Variants in LMTK2 observed in about 807,000 individuals in gnomAD.
LMTK2 encodes lemur tail kinase 2, also known as serine/threonine-protein kinase LMTK2.
A neutral mutation model predicts 127.5 loss-of-function variants in LMTK2; 37 were observed. That is an observed-to-expected ratio of 0.29 (90% confidence interval 0.22 to 0.38). The LOEUF is 0.38. LMTK2 is among the 10% of genes least tolerant of loss of function. The probability of loss-of-function intolerance (pLI) is 1.00; values close to 1 mark genes in which losing one functional copy is unlikely to be tolerated. For missense variants in LMTK2, 1,694 were observed against 1,920.3 expected (o/e 0.88, Z 2.20); for synonymous variants, 819 against 810.1 (o/e 1.01, Z -0.19).
chr7:98,192,502 A>G lies in LMTK2; in HGVS notation c.2037A>G (p.Ser679=). Residue 679 remains serine, a synonymous_variant, in exon 11 of 14, where the codon TCA becomes TCG. Coordinates refer to ENST00000297293, the MANE Select transcript of LMTK2 (RefSeq NM_014916.4). ...CCAGTTTGGATAACCCCAAAGAGTC[A>G]GTCATAACAGGCCACTTTGAGAAAG... ...LSSSLDNPKE[S]VITGHFEKEK... 1 of 1,609,832 alleles carries G rather than the reference A, an allele frequency of 6.2e-7. No homozygotes were observed. Among genetic ancestry groups the G allele is most frequent in the Non-Finnish European group, 8.5e-7 (1 of 1,179,000 alleles).
chr7:98,134,081 G>A (rs1796565077), intron 1 of LMTK2, among the ~76,000 whole-genome samples: 1 of 152,186 alleles, frequency 6.6e-6, no homozygotes, highest in African/African-American at 2.4e-5. Flanking sequence ...TTCAAGGAAA[G>A]CGAGGGAGCT....
intron 10 of LMTK2, among the ~76,000 whole-genome samples, chr7:98,191,147 G>A (rs6465659): frequency 0.99 from 150,655 of 152,256 alleles, 74,553 homozygotes; most frequent in Middle Eastern, 1. Flanking sequence ...CAGGGTCTCA[G>A]TATGTTGCCC....
rs766887524 is a variant in LMTK2 at position 98,107,222 on chromosome 7, G to T, written c.45G>T (p.Leu15=). The T allele has an allele frequency of 2.1e-4, 305 of 1,464,684 alleles. No homozygotes were observed. Among genetic ancestry groups the T allele is most frequent in the Non-Finnish European group, 2.6e-4 (288 of 1,115,894 alleles). The allele number at this position is 1,464,684 out of a possible 1,614,324, so 90.7% of individuals were successfully genotyped here. A position where few individuals can be genotyped will look rare whatever the true frequency, so the allele number is the denominator to read the frequency against. ...PALRRRLLLL[L]LVLLIAGSAG... ...TGCGGCGGAGGCTGCTGCTGCTGCT[G>T]CTGGTCCTCCTGATCGCCGGCAGTG... Residue 15 remains leucine, a synonymous_variant, in exon 1 of 14, where the codon CTG becomes CTT. Coordinates refer to ENST00000297293, the MANE Select transcript of LMTK2 (RefSeq NM_014916.4).
intron 7 of LMTK2, among the ~76,000 whole-genome samples, chr7:98,181,466 C>T (rs1562916929): frequency 6.6e-6 from 1 of 152,124 alleles, no homozygotes; most frequent in East Asian, 1.9e-4. Flanking sequence ...GAAGGGACCT[C>T]AAATACTCAA....
chr7:98,186,097 G>A (rs1481004382), intron 8 of LMTK2, among the ~76,000 whole-genome samples: 14 of 145,552 alleles, frequency 9.6e-5, no homozygotes, highest in Admixed American at 9.1e-4. Context: ...ATGGGGTCTC[G>A]CTGTCACCCT....
intron 7 of LMTK2, among the ~76,000 whole-genome samples, chr7:98,178,172 A>G (rs1158296591): frequency 6.6e-6 from 1 of 152,212 alleles, no homozygotes; most frequent in African/African-American, 2.4e-5. Context: ...TGCTAGAAGA[A>G]TATTCAGTAA....
intron 4 of LMTK2, among the ~76,000 whole-genome samples, chr7:98,154,274 C>CGAT (rs1796896211): frequency 1.3e-5 from 2 of 152,088 alleles, no homozygotes; most frequent in African/African-American, 4.8e-5. Flanking sequence ...GGATGGAGTG[C>CGAT]GATGGGTGTT....
At chr7:98,174,400 TG>T (rs1008875529) in intron 7 of LMTK2, among the ~76,000 whole-genome samples, 1 of 152,200 alleles carries the variant, frequency 6.6e-6, no homozygotes, top group Admixed American at 6.5e-5. Flanking sequence ...ACCTGGAGTC[TG>T]AGGAGCCTGT....
At chr7:98,181,269 T>C (rs1426151097) in intron 7 of LMTK2, among the ~76,000 whole-genome samples, 1 of 152,172 alleles carries the variant, frequency 6.6e-6, no homozygotes, top group Non-Finnish European at 1.5e-5. Context: ...TCAACTAGAT[T>C]TGTGGACCGG....
chr7:98,165,200 G>A (rs1797076541), intron 6 of LMTK2, among the ~76,000 whole-genome samples: 1 of 152,234 alleles, frequency 6.6e-6, no homozygotes. Flanking sequence ...CCACAACGGG[G>A]AGTACGATGA....
chr7:98,175,623 G>GT (rs1314357638), intron 7 of LMTK2, among the ~76,000 whole-genome samples: 3 of 152,240 alleles, frequency 2.0e-5, no homozygotes, highest in Non-Finnish European at 4.4e-5. Flanking sequence ...TATATGGTGG[G>GT]TGTCCATGAA....
chr7:98,168,623 A>G (rs890874033), intron 6 of LMTK2, among the ~76,000 whole-genome samples: 1 of 152,226 alleles, frequency 6.6e-6, no homozygotes, highest in African/African-American at 2.4e-5. Context: ...GAAATTAATT[A>G]ATTGCTCCTA....
chr7:98,189,946 A>C (rs1458647760), intron 9 of LMTK2, among the ~76,000 whole-genome samples: 1 of 152,126 alleles, frequency 6.6e-6, no homozygotes, highest in East Asian at 1.9e-4. Context: ...TGCCCATGTA[A>C]AGATTCCTTT....
rs1356041177 is a variant in LMTK2, at chr7:98,192,693, A to G, written c.2228A>G (p.Asn743Ser). 1.2e-6 allele frequency: 2 copies of G among 1,611,372 alleles called. No individual in the cohort carries two copies. Among genetic ancestry groups the G allele is most frequent in the Admixed American group, 3.4e-5 (2 of 59,552 alleles). The change falls in exon 11 of 14, where the codon AAT becomes AGT. Residue 743 changes from asparagine to serine, a missense_variant. Physicochemically the swap from Asn to Ser is conservative, Grantham distance 46. Transcript: ENST00000297293. ...KGSLSSKEHI[N>S]DLQTELKNAG... Reference sequence around the variant, plus strand: ...TCATTGTCCAGCAAAGAACACATAAATGATCTTCAGACAGAACTTAAGAAT... The same window carrying G: ...TCATTGTCCAGCAAAGAACACATAAGTGATCTTCAGACAGAACTTAAGAAT...
At chr7:98,114,143 G>T (rs998874659) in intron 1 of LMTK2, among the ~76,000 whole-genome samples, 1 of 151,964 alleles carries the variant, frequency 6.6e-6, no homozygotes, top group African/African-American at 2.4e-5. Flanking sequence ...GCCCACCTGG[G>T]CCTTTGGTAG....
chr7:98,124,678 C>T (rs561130904), intron 1 of LMTK2, among the ~76,000 whole-genome samples: 10 of 152,006 alleles, frequency 6.6e-5, no homozygotes, highest in South Asian at 4.1e-4. Flanking sequence ...CCCAGCTACT[C>T]GGGAGGCTGA....
At chr7:98,183,746 G>T (rs998523598) in intron 7 of LMTK2, among the ~76,000 whole-genome samples, 1 of 152,142 alleles carries the variant, frequency 6.6e-6, no homozygotes, top group Non-Finnish European at 1.5e-5. Flanking sequence ...TGTTGGCCAG[G>T]CTGGTCTTGA....
chr7:98,204,103 C>T lies in LMTK2; in HGVS notation c.4400C>T (p.Pro1467Leu). The T allele has an allele frequency of 6.2e-7, 1 of 1,613,192 alleles. No individual in the cohort carries two copies. The highest frequency in any genetic ancestry group is 8.5e-7 in the Non-Finnish European group (1 of 1,180,028). ...GAGCAGAGCTGGCCGCACTCGGCGC[C>T]TTACTCCCGGTTCTCCATCTCTCCC... is the stretch of plus-strand genomic sequence containing the variant. ...STEQSWPHSA[P>L]YSRFSISPAN... is the part of the protein sequence containing the mutation. The change falls in exon 13 of 14, where the codon CCT becomes CTT. Residue 1467 changes from proline (P) to leucine (L), a missense_variant. Transcript: ENST00000297293.
chr7:98,164,844 T>A (rs1346323780), intron 6 of LMTK2, among the ~76,000 whole-genome samples: 2 of 152,146 alleles, frequency 1.3e-5, no homozygotes, highest in African/African-American at 4.8e-5. Flanking sequence ...TCCTAGTCTT[T>A]CTTATTGGTC....
Sources: gnomAD v4.1 joint callset for allele counts (sites outside exome capture counted in the v4.1 genomes callset) on GRCh38, gnomAD v4.1.1 for gene constraint, MANE v1.5 for transcripts, NCBI Gene and HGNC (gene_info 2026-07-23, HGNC 2026-07-21) for gene names.